TFPI: variants seen among roughly 807,000 people sequenced by gnomAD.
TFPI encodes anti-convertin.
Under a neutral mutation model 34.6 loss-of-function variants are expected in TFPI, and 15 were observed. The ratio of observed to expected loss-of-function variants is 0.43; its 90% CI spans 0.29 to 0.67. The LOEUF is 0.67. TFPI is among the 30% of genes least tolerant of loss of function. The probability of loss-of-function intolerance (pLI) is 0.15; values close to 1 mark genes in which losing one functional copy is unlikely to be tolerated. For missense variants in TFPI, 301 were observed against 364.0 expected (o/e 0.83, Z 1.41); for synonymous variants, 105 against 120.1 (o/e 0.87, Z 0.82).
chr2:187,486,034 A>G (rs182753490), intron 4 of TFPI, among the ~76,000 whole-genome samples: 1 of 151,534 alleles, frequency 6.6e-6, no homozygotes, highest in Admixed American at 6.6e-5. Flanking sequence ...AAAAGAACAA[A>G]CTCCTTATTG....
At chr2:187,543,127 T>A (rs2106310960) in intron 1 of TFPI, among the ~76,000 whole-genome samples, 1 of 152,356 alleles carries the variant, frequency 6.6e-6, no homozygotes, top group African/African-American at 2.4e-5. Flanking sequence ...TCTACATGTG[T>A]TCTTTCAATG....
chr2:187,483,496 A>G (rs1322698888), intron 6 of TFPI, among the ~76,000 whole-genome samples: 1 of 151,894 alleles, frequency 6.6e-6, no homozygotes, highest in East Asian at 1.9e-4. Context: ...CTGCCCAGAT[A>G]TTTGTGGTTC....
intron 1 of TFPI, among the ~76,000 whole-genome samples, chr2:187,522,738 A>AC (rs945231309): frequency 9.4e-5 from 14 of 148,764 alleles, no homozygotes; most frequent in African/African-American, 1.2e-4. Flanking sequence ...AAAAAAAAAA[A>AC]AAAAAACCCA....
intron 1 of TFPI, chr2:187,547,086 A>T (rs537344430): frequency 1.3e-5 from 2 of 149,664 alleles, no homozygotes; most frequent in African/African-American, 4.9e-5. Context: ...AGGCAAATAC[A>T]TTGGAGACTT....
intron 7 of TFPI, 103 bp from the exon 8 acceptor site, chr2:187,467,145 A>G (rs1691759168): frequency 2.6e-6 from 2 of 758,344 alleles, no homozygotes; most frequent in South Asian, 1.8e-5. Context: ...AATCCAAAAG[A>G]TGTTATTGAT....
At chr2:187,527,441 G>A (rs1348198283) in intron 1 of TFPI, among the ~76,000 whole-genome samples, 2 of 152,094 alleles carry the variant, frequency 1.3e-5, no homozygotes, top group Admixed American at 1.3e-4. Flanking sequence ...TACATTGTGG[G>A]AATGCAAATG....
At chr2:187,468,030 A>G (rs1364723672) in intron 6 of TFPI, 98 bp from the exon 7 acceptor site, 6 of 1,026,348 alleles carry the variant, frequency 5.8e-6, no homozygotes, top group Middle Eastern at 2.2e-4. Context: ...TTGCATGTGT[A>G]TGTAAAACAG....
intron 1 of TFPI, among the ~76,000 whole-genome samples, chr2:187,551,273 A>G (rs972392087): frequency 7.2e-5 from 11 of 152,254 alleles, no homozygotes; most frequent in East Asian, 5.8e-4. Context: ...TGGAACTTCT[A>G]TTATGGGCCA....
chr2:187,537,341 C>T (rs1227452411), intron 1 of TFPI, among the ~76,000 whole-genome samples: 4 of 152,132 alleles, frequency 2.6e-5, no homozygotes, highest in Non-Finnish European at 4.4e-5. Flanking sequence ...TCAAACTATA[C>T]TACAAGGCTA....
intron 3 of TFPI, among the ~76,000 whole-genome samples, chr2:187,495,739 A>C (rs1190345154): frequency 6.6e-6 from 1 of 152,196 alleles, no homozygotes; most frequent in Non-Finnish European, 1.5e-5. Flanking sequence ...GTGAGAATGC[A>C]GAGCTGCCTG....
intron 2 of TFPI, among the ~76,000 whole-genome samples, chr2:187,501,920 C>A (rs947874900): frequency 3.9e-5 from 6 of 151,954 alleles, no homozygotes; most frequent in African/African-American, 1.2e-4. Flanking sequence ...GTGAGAGAAG[C>A]AATAAAATTT....
chr2:187,515,642 A>T (rs1686951421), intron 1 of TFPI: 1 of 152,192 alleles, frequency 6.6e-6, no homozygotes, highest in South Asian at 2.1e-4. Flanking sequence ...TAAAATTTGG[A>T]CTTGTACAGT....
intron 2 of TFPI, chr2:187,499,651 A>G (rs1459695533): frequency 6.6e-6 from 1 of 152,138 alleles, no homozygotes; most frequent in East Asian, 1.9e-4. Flanking sequence ...AACTCTAGAC[A>G]TGTTTGTTTT....
chr2:187,528,321 A>C (rs1305524226), intron 1 of TFPI, among the ~76,000 whole-genome samples: 2 of 152,314 alleles, frequency 1.3e-5, no homozygotes, highest in Admixed American at 6.5e-5. Flanking sequence ...TACAAGCCTA[A>C]ACAAGAGAAT....
intron 1 of TFPI, among the ~76,000 whole-genome samples, chr2:187,521,910 C>T (rs35150461): frequency 0.011 from 1,691 of 152,074 alleles, 20 homozygotes; most frequent in South Asian, 0.03. Flanking sequence ...TGTTACATTT[C>T]GAGTTTTTAG....
In TFPI at chr2:187,467,941, A is replaced by C. The variant is rs769358096; in HGVS notation, c.629-9T>G. The C allele has an allele frequency of 1.2e-5, 19 of 1,561,678 alleles. No individual in the cohort carries two copies. Among genetic ancestry groups the C allele is most frequent in the Non-Finnish European group, 1.6e-5 (19 of 1,156,358 alleles). On this transcript the variant is annotated splice_polypyrimidine_tract_variant and intron_variant, in intron 6 of 7. Transcript: ENST00000233156. ...TGAGGGACCGTGAAATTCTAAAAACAATCAGGAAAACATGGTAAGCCATAT... is the reference window on the plus strand; with the variant it reads ...TGAGGGACCGTGAAATTCTAAAAACCATCAGGAAAACATGGTAAGCCATAT...
At chr2:187,478,602 A>C in intron 6 of TFPI, 1 of 1,523,620 alleles carries the variant, frequency 6.6e-7, no homozygotes, top group Non-Finnish European at 8.8e-7. Flanking sequence ...AAATATTAAA[A>C]CTTTATTAGC....
chr2:187,506,954 A>G (rs1006589641), intron 1 of TFPI, among the ~76,000 whole-genome samples: 1 of 152,120 alleles, frequency 6.6e-6, no homozygotes, highest in Non-Finnish European at 1.5e-5. Context: ...ATATGTGCAG[A>G]ACATGCAGGT....
intron 6 of TFPI, among the ~76,000 whole-genome samples, chr2:187,473,821 A>T (rs1244155086): frequency 3.3e-5 from 5 of 150,874 alleles, no homozygotes; most frequent in African/African-American, 1.2e-4. Flanking sequence ...TTCCCCCCGC[A>T]TGTGTATACT....
Sources: allele counts gnomAD v4.1 joint callset (sites outside exome capture counted in the v4.1 genomes callset), GRCh38; gene constraint gnomAD v4.1.1; transcripts MANE v1.5; gene names NCBI Gene and HGNC (gene_info 2026-07-23, HGNC 2026-07-21).